The following MESP1 variants were observed in gnomAD, a reference collection of about 807,000 sequenced individuals.
MESP1 encodes mesoderm posterior bHLH transcription factor 1.
Under a neutral mutation model 15.2 loss-of-function variants are expected in MESP1, and 22 were observed. The observed-to-expected ratio is 1.45, with a 90% CI of 1.04 to 2.07. The LOEUF is 2.07. MESP1 is among the 30% of genes most tolerant of loss of function. The probability of loss-of-function intolerance (pLI) is 0.00; values close to 1 mark genes in which losing one functional copy is unlikely to be tolerated. For synonymous variants in MESP1, 216 were observed against 192.6 expected (o/e 1.12, Z -1.01); for missense variants, 484 against 411.9 (o/e 1.17, Z -1.51).
rs757132638 is a variant in MESP1, at chr15:89,750,982, TCTGCCCG to T, written c.243_249del (p.Ser81ArgfsTer38). On this transcript the variant is annotated frameshift_variant, in exon 1 of 2. Transcript: ENST00000300057. LOFTEE classifies it high-confidence loss of function. ...TTCTCCCGCTCACTGGCGCTCTGCC[TCTGCCCG>T]CTGCCCAGGCGGCTGCTGCGCGCGC... is the stretch of plus-strand genomic sequence containing the variant. 66 of 1,413,158 alleles carry T rather than the reference TCTGCCCG, an allele frequency of 4.7e-5. No homozygotes were observed. The highest frequency in any genetic ancestry group is 1.0e-5 in the Non-Finnish European group (11 of 1,088,494). The allele number at this position is 1,413,158 out of a possible 1,614,324, so 87.5% of individuals were successfully genotyped here.
chr15:89,743,329 G>C, the MESP1 span: 8 of 1,614,084 alleles, frequency 5.0e-6, no homozygotes, highest in African/African-American at 5.3e-5. Flanking sequence ...GAAGGAGGAG[G>C]AGCACTGGGC....
the MESP1 span, chr15:89,732,966 AC>A: frequency 6.3e-7 from 1 of 1,596,930 alleles, no homozygotes; most frequent in Non-Finnish European, 8.6e-7. Context: ...CTCCTCCCCT[AC>A]CCCGTTTTCT....
the MESP1 span, chr15:89,737,475 C>A: frequency 6.7e-7 from 1 of 1,486,994 alleles, no homozygotes; most frequent in Non-Finnish European, 9.2e-7. Flanking sequence ...TTATGTCCAG[C>A]TGCTTCTCTC....
At chr15:89,747,860 G>A (rs1774832853), downstream of MESP1, among the ~76,000 whole-genome samples, 1 of 152,234 alleles carries the variant, frequency 6.6e-6, no homozygotes, top group African/African-American at 2.4e-5. Context: ...CGCCTACCTG[G>A]ACGCTGGCTA....
At chr15:89,738,047 A>C in the MESP1 span, 72,120 of 1,609,562 alleles carry the variant, frequency 0.045, 1,863 homozygotes, top group Non-Finnish European at 0.053. Context: ...ACAGGAGACT[A>C]TTCACATGAA....
chr15:89,750,675 C>T lies in MESP1; in HGVS notation c.557G>A (p.Gly186Glu). 4 of 1,356,308 alleles carry T rather than the reference C, an allele frequency of 2.9e-6. No homozygotes were observed. The highest frequency in any genetic ancestry group is 3.8e-6 in the Non-Finnish European group (4 of 1,059,972). The allele number at this position is 1,356,308 out of a possible 1,614,324, so 84.0% of individuals were successfully genotyped here. ...TRTQAEGQGQGRGLGLVSAVR... is the reference protein window; with the variant it reads ...TRTQAEGQGQERGLGLVSAVR... ...GGCGGATACCAGGCCCAGCCCGCGC[C>T]CCTGCCCCTGCCCCTCAGCCTGCGT... The change falls in exon 1 of 2, where the codon GGG becomes GAG. Residue 186 changes from glycine (G) to glutamate (E), a missense_variant. Physicochemically the swap from Gly to Glu is moderately conservative, Grantham distance 98 (BLOSUM62 -2). Coordinates refer to ENST00000300057, the MANE Select transcript of MESP1 (RefSeq NM_018670.4).
intron 1 of MESP1, 25 bp downstream of exon 1, chr15:89,750,484 G>C: frequency 6.7e-7 from 1 of 1,489,012 alleles, no homozygotes; most frequent in Non-Finnish European, 8.9e-7. Flanking sequence ...ACGGACGAAG[G>C]GGGCGCGGGG....
At chr15:89,744,210 G>C in the MESP1 span, among the ~76,000 whole-genome samples, 1 of 152,198 alleles carries the variant, frequency 6.6e-6, no homozygotes, top group Admixed American at 6.5e-5. Context: ...GTTTGTGATG[G>C]CTGCTGTTTT....
intron 1 of MESP1, 63 bp downstream of exon 1, chr15:89,750,446 G>A (rs1968062362): frequency 7.5e-6 from 11 of 1,463,526 alleles, no homozygotes; most frequent in Admixed American, 4.8e-5. Context: ...TCCTCACCTT[G>A]GCGGGCGGTG....
At chr15:89,737,273 A>G in the MESP1 span, among the ~76,000 whole-genome samples, 3 of 152,320 alleles carry the variant, frequency 2.0e-5, no homozygotes, top group Admixed American at 6.5e-5. Flanking sequence ...TCTTGGCTAC[A>G]TGGAGGGTGA....
chr15:89,736,333 C>T, the MESP1 span, among the ~76,000 whole-genome samples: 2 of 152,186 alleles, frequency 1.3e-5, no homozygotes, highest in African/African-American at 2.4e-5. Flanking sequence ...TGTGGCCCTA[C>T]GGAGGGTGAG....
At chr15:89,738,154 A>T in the MESP1 span, 2 of 1,614,054 alleles carry the variant, frequency 1.2e-6, no homozygotes, top group Non-Finnish European at 1.7e-6. Context: ...AAATTGTACC[A>T]TTCCTCAAAG....
At chr15:89,735,984 A>G in the MESP1 span, among the ~76,000 whole-genome samples, 1 of 152,172 alleles carries the variant, frequency 6.6e-6, no homozygotes, top group Admixed American at 6.6e-5. Flanking sequence ...AGTATCTGCC[A>G]CATGAGATTG....
At chr15:89,736,790 G>A in the MESP1 span, among the ~76,000 whole-genome samples, 2 of 151,082 alleles carry the variant, frequency 1.3e-5, no homozygotes, top group African/African-American at 4.9e-5. Flanking sequence ...GGGTCAAAGG[G>A]GGCTTTTTTT....
chr15:89,739,260 T>A, the MESP1 span, among the ~76,000 whole-genome samples: 1 of 152,212 alleles, frequency 6.6e-6, no homozygotes, highest in Non-Finnish European at 1.5e-5. Context: ...CCCATTTGTT[T>A]ATGTATTATC....
At chr15:89,742,786 G>C in the MESP1 span, among the ~76,000 whole-genome samples, 1 of 152,126 alleles carries the variant, frequency 6.6e-6, no homozygotes, top group African/African-American at 2.4e-5. Context: ...GCCTGCCTTG[G>C]CCTCCCAAAG....
At position 89,750,651 on chromosome 15, in the gene MESP1, G is replaced by A; in HGVS notation, c.581C>T (p.Ala194Val). 7.3e-7 allele frequency: 1 copy of A among 1,371,192 alleles called. No homozygotes were observed. Among genetic ancestry groups the A allele is most frequent in the Non-Finnish European group, 9.3e-7 (1 of 1,071,390 alleles). 84.9% of individuals were successfully genotyped at this position (1,371,192 alleles called of 1,614,324 possible). ...GQGRGLGLVS[A>V]VRAGASWGSP... is the part of the protein sequence containing the mutation. The stretch of plus-strand genomic sequence containing the variant: ...TCCCCAGGACGCCCCGGCGCGGACG[G>A]CGGATACCAGGCCCAGCCCGCGCCC... The change falls in exon 1 of 2, where the codon GCC becomes GTC. Residue 194 changes from alanine to valine, a missense_variant. Physicochemically the swap from Ala to Val is moderately conservative, Grantham distance 64. Coordinates refer to ENST00000300057, the MANE Select transcript of MESP1 (RefSeq NM_018670.4).
Position 89,750,701 on chromosome 15 carries a change from C to T in MESP1, c.531G>A (p.Arg177=), listed in dbSNP as rs2141755425. Residue 177 remains arginine (R), a synonymous_variant, in exon 1 of 2, where the codon CGG becomes CGA. Transcript: ENST00000300057. ...CCTGCCCCTGCCCCTCAGCCTGCGT[C>T]CGTGTCTGCATCTGCGCGGGGCAGT... The part of the protein sequence containing the change: ...PDDCPAQMQT[R]TQAEGQGQGR... 2 of 1,376,872 alleles carry T rather than the reference C, an allele frequency of 1.5e-6. No homozygotes were observed. Among genetic ancestry groups the T allele is most frequent in the African/African-American group, 3.0e-5 (2 of 66,492 alleles). The allele number at this position is 1,376,872 out of a possible 1,614,324, so 85.3% of individuals were successfully genotyped here. A position where few individuals can be genotyped will look rare whatever the true frequency, so the allele number is the denominator to read the frequency against.
chr15:89,732,729 T>C, the MESP1 span, among the ~76,000 whole-genome samples: 1 of 152,130 alleles, frequency 6.6e-6, no homozygotes, highest in Non-Finnish European at 1.5e-5. Context: ...GGCTGGGTTG[T>C]AGCTTCCTTC....
Sources: allele counts gnomAD v4.1 joint callset (sites outside exome capture counted in the v4.1 genomes callset), GRCh38; gene constraint gnomAD v4.1.1; transcripts MANE v1.5; gene names NCBI Gene and HGNC (gene_info 2026-07-23, HGNC 2026-07-21).